GABRA4: variants seen among roughly 807,000 people sequenced by gnomAD.
The protein encoded by GABRA4 is gamma-aminobutyric acid receptor subunit alpha-4.
Under a neutral mutation model 49.7 loss-of-function variants are expected in GABRA4, and 12 were observed. That is an observed-to-expected ratio of 0.24 (90% CI 0.15 to 0.39). The LOEUF is 0.39. Ranked by LOEUF, GABRA4 falls within the 10% of genes least tolerant of loss-of-function variation. The pLI, the probability that GABRA4 is intolerant of heterozygous loss-of-function variation, is 1.00. For missense variants in GABRA4, 506 were observed against 686.0 expected (o/e 0.74, Z 2.93); for synonymous variants, 288 against 240.2 (o/e 1.20, Z -1.84).
At chr4:46,930,931 G>A (rs1381342147) in intron 8 of GABRA4, among the ~76,000 whole-genome samples, 2 of 150,822 alleles carry the variant, frequency 1.3e-5, no homozygotes, top group African/African-American at 4.9e-5. Flanking sequence ...GAGTTGCCAT[G>A]CTGTGGTTTA....
intron 2 of GABRA4, among the ~76,000 whole-genome samples, chr4:46,991,186 A>C (rs1176405435): frequency 7.5e-6 from 1 of 133,290 alleles, no homozygotes; most frequent in African/African-American, 2.7e-5. Context: ...ACTCCATCTC[A>C]AAGAAAAAAA....
At chr4:46,970,225 A>G (rs1722902837) in intron 7 of GABRA4, among the ~76,000 whole-genome samples, 2 of 151,448 alleles carry the variant, frequency 1.3e-5, no homozygotes, top group African/African-American at 4.8e-5. Flanking sequence ...AAAGGATATT[A>G]TACCATGGCT....
At chr4:46,989,218 C>A (rs1023828652) in intron 2 of GABRA4, among the ~76,000 whole-genome samples, 1 of 152,180 alleles carries the variant, frequency 6.6e-6, no homozygotes, top group Non-Finnish European at 1.5e-5. Context: ...GGCAGGTTTC[C>A]TAAACCATTT....
chr4:46,959,832 ATATG>A lies in GABRA4; in HGVS notation c.1134+5134_1134+5137del, dbSNP rs1412449198. On this transcript the variant is annotated intron_variant, in intron 8 of 8. Transcript: ENST00000264318. ...ACAAAAATTATGTATATATATATAT[ATATG>A]TGTGTGTGTGTGTGTATGTGTGTGT... is the stretch of plus-strand genomic sequence containing the variant. 8.8e-3 allele frequency among the ~76,000 whole-genome samples: 1,224 copies of A among 138,916 alleles called. 16 individuals are homozygous for A. Among genetic ancestry groups the A allele is most frequent in the African/African-American group, 0.03 (1,155 of 38,622 alleles). The allele number at this position is 138,916 out of a possible 152,430, so 91.1% of individuals were successfully genotyped here.
At chr4:46,943,657 AC>A (rs1721889488) in intron 8 of GABRA4, among the ~76,000 whole-genome samples, 1 of 151,980 alleles carries the variant, frequency 6.6e-6, no homozygotes, top group Non-Finnish European at 1.5e-5. Flanking sequence ...CACCTCAGAT[AC>A]CCTGGTATTA....
chr4:46,982,647 C>A (rs1723396815), intron 2 of GABRA4, among the ~76,000 whole-genome samples: 1 of 151,988 alleles, frequency 6.6e-6, no homozygotes, highest in Non-Finnish European at 1.5e-5. Flanking sequence ...TCTGTCTTTA[C>A]TTATAGGTCG....
At chr4:46,935,472 A>G (rs912182007) in intron 8 of GABRA4, among the ~76,000 whole-genome samples, 3 of 152,234 alleles carry the variant, frequency 2.0e-5, no homozygotes, top group Admixed American at 2.0e-4. Flanking sequence ...AAAGAAAATG[A>G]TATGTCACAG....
At chr4:46,952,715 G>C (rs1217683963) in intron 8 of GABRA4, among the ~76,000 whole-genome samples, 2 of 152,060 alleles carry the variant, frequency 1.3e-5, no homozygotes, top group African/African-American at 4.8e-5. Context: ...TGAGAACTTG[G>C]TGGAAAATAT....
intron 8 of GABRA4, among the ~76,000 whole-genome samples, chr4:46,939,970 A>G (rs1299009284): frequency 2.6e-5 from 4 of 152,046 alleles, no homozygotes; most frequent in African/African-American, 7.2e-5. Context: ...ATATTTATAA[A>G]TAGGCTTACA....
At chr4:46,957,675 C>CAGAT (rs1187294974) in intron 8 of GABRA4, among the ~76,000 whole-genome samples, 2 of 151,904 alleles carry the variant, frequency 1.3e-5, no homozygotes, top group East Asian at 3.9e-4. Context: ...ATGCCACCAC[C>CAGAT]ATCTATCTCA....
chr4:46,938,611 C>T (rs1311914463), intron 8 of GABRA4, among the ~76,000 whole-genome samples: 1 of 152,064 alleles, frequency 6.6e-6, no homozygotes, highest in East Asian at 1.9e-4. Context: ...TTTCCAATTC[C>T]AATTCCAATT....
intron 6 of GABRA4, among the ~76,000 whole-genome samples, chr4:46,972,447 G>A (rs942833588): frequency 6.6e-6 from 1 of 151,092 alleles, no homozygotes; most frequent in African/African-American, 2.4e-5. Flanking sequence ...AATTTTTTGA[G>A]GTATGATTGA....
intron 2 of GABRA4, among the ~76,000 whole-genome samples, chr4:46,989,289 G>A (rs560359337): frequency 1.3e-4 from 20 of 152,206 alleles, no homozygotes; most frequent in Non-Finnish European, 1.8e-4. Context: ...CAGTGTTACA[G>A]TGTTGAAAGT....
Position 46,970,783 on chromosome 4 carries a change from A to G in GABRA4, c.874+300T>C, listed in dbSNP as rs556496998. Among the ~76,000 whole-genome samples the G allele has an allele frequency of 1.7e-3, 265 of 151,706 alleles. 1 individual carries two copies. Among genetic ancestry groups the G allele is most frequent in the African/African-American group, 5.9e-3 (245 of 41,486 alleles). On this transcript the variant is annotated intron_variant, in intron 7 of 8. Transcript: ENST00000264318. Reference sequence around the variant, plus strand: ...TATAATTTTAATTCAATTACACAGCATTATACTAGGAGCCCAAGAATATCA... The same window carrying G: ...TATAATTTTAATTCAATTACACAGCGTTATACTAGGAGCCCAAGAATATCA...
At chr4:46,938,359 T>C (rs713287) in intron 8 of GABRA4, among the ~76,000 whole-genome samples, 78,846 of 151,944 alleles carry the variant, frequency 0.52, 20,649 homozygotes, top group East Asian at 0.67. Flanking sequence ...TCCATGCCAA[T>C]CCTATAGGAG....
At chr4:46,929,128 G>C (rs1721341278) in intron 8 of GABRA4, among the ~76,000 whole-genome samples, 1 of 151,844 alleles carries the variant, frequency 6.6e-6, no homozygotes. Context: ...ATAATATTCT[G>C]TATATGTCAT....
intron 6 of GABRA4, among the ~76,000 whole-genome samples, chr4:46,971,484 T>C (rs1258259517): frequency 1.3e-5 from 2 of 151,500 alleles, no homozygotes; most frequent in African/African-American, 4.8e-5. Flanking sequence ...CTAAAACTTT[T>C]AAAAATGTTC....
chr4:46,962,062 C>T (rs1422966866), intron 8 of GABRA4, among the ~76,000 whole-genome samples: 3 of 151,808 alleles, frequency 2.0e-5, no homozygotes, highest in Non-Finnish European at 2.9e-5. Context: ...CCCTTCAGGT[C>T]GAGAATTCCT....
chr4:46,931,095 T>C (rs1270697075), intron 8 of GABRA4, among the ~76,000 whole-genome samples: 1 of 151,372 alleles, frequency 6.6e-6, no homozygotes, highest in Admixed American at 6.6e-5. Context: ...CTAAAGAGAG[T>C]CCCCATTGAG....
Sources: allele counts gnomAD v4.1 joint callset (sites outside exome capture counted in the v4.1 genomes callset), GRCh38; gene constraint gnomAD v4.1.1; transcripts MANE v1.5; gene names NCBI Gene and HGNC (gene_info 2026-07-23, HGNC 2026-07-21).